MYPOP: variants seen among roughly 807,000 people sequenced by gnomAD.
MYPOP encodes Myb related transcription factor, partner of profilin, also known as myb-related transcription factor, partner of profilin.
A neutral mutation model predicts 25.7 loss-of-function variants in MYPOP; 21 were observed. That is an observed-to-expected ratio of 0.82 (90% CI 0.58 to 1.18). The LOEUF is 1.18. Among genes scored for constraint, MYPOP ranks in the 50% most tolerant of loss-of-function variants. The pLI is 0.00. For synonymous variants in MYPOP, 280 were observed against 247.9 expected (o/e 1.13, Z -1.22); for missense variants, 566 against 588.3 (o/e 0.96, Z 0.39).
intron 2 of MYPOP, among the ~76,000 whole-genome samples, chr19:45,899,368 A>C (rs1967255214): frequency 6.6e-6 from 1 of 152,148 alleles, no homozygotes; most frequent in Non-Finnish European, 1.5e-5. Flanking sequence ...TTGCTAAACG[A>C]GTGAATGAAG....
intron 2 of MYPOP, among the ~76,000 whole-genome samples, chr19:45,895,399 G>A (rs117515010): frequency 1.7e-3 from 260 of 152,212 alleles, no homozygotes; most frequent in Middle Eastern, 6.8e-3. Context: ...CTACAGGTGT[G>A]CACCACCACG....
rs1242324394 is a variant in MYPOP, at chr19:45,901,686, G to A, written c.88C>T (p.Arg30Cys). 2 of 1,607,972 alleles carry A rather than the reference G, an allele frequency of 1.2e-6. No homozygotes were observed. Among genetic ancestry groups the A allele is most frequent in the East Asian group, 2.2e-5 (1 of 44,588 alleles). ...TGCGGGTAGTGGGCGCGCACCTCGC[G>A]GATCAGGATCTGGTTCTCTTCGAAT... The part of the protein sequence containing the change: ...FSFEENQILI[R>C]EVRAHYPQLY... The change falls in exon 2 of 3, where the codon CGC becomes TGC. Residue 30 changes from arginine to cysteine, a missense_variant. Coordinates refer to ENST00000322217, the MANE Select transcript of MYPOP (RefSeq NM_001012643.4). This position sits in a 1 kb window ranked among gnomAD's most constrained non-coding sequence, Gnocchi z 5.7.
chr19:45,891,061 C>G lies in MYPOP; in HGVS notation c.762G>C (p.Ser254=). ...GGAAGTCCAGGGAGGGGTCTGAGGC[C>G]GAGAGCGTGGGTGGAGGCCGAGGAG... is the stretch of plus-strand genomic sequence containing the variant. ...PPPPRPPPTL[S]ASDPSLDFLR... is the part of the protein sequence containing the mutation. Residue 254 remains serine (S), a synonymous_variant, in exon 3 of 3, where the codon TCG becomes TCC. Coordinates refer to ENST00000322217, the MANE Select transcript of MYPOP (RefSeq NM_001012643.4). The G allele has an allele frequency of 7.3e-7, 1 of 1,372,934 alleles. No individual in the cohort carries two copies. The highest frequency in any genetic ancestry group is 9.6e-7 in the Non-Finnish European group (1 of 1,038,048). 85.0% of individuals were successfully genotyped at this position (1,372,934 alleles called of 1,614,324 possible).
chr19:45,890,989 G>A lies in MYPOP; in HGVS notation c.834C>T (p.Gly278=). 6.6e-7 allele frequency: 1 copy of A among 1,518,706 alleles called. No homozygotes were observed. Among genetic ancestry groups the A allele is most frequent in the South Asian group, 1.3e-5 (1 of 78,582 alleles). 94.1% of individuals were successfully genotyped at this position (1,518,706 alleles called of 1,614,324 possible). A position where few individuals can be genotyped will look rare whatever the true frequency, so the allele number is the denominator to read the frequency against. ...GTTTGGCCAGTCCCTGTCGAAGGGT[G>A]CCGGCCAGCTCCCGGATGGCGTTGG... ...ETANAIRELA[G]TLRQGLAKLS... Residue 278 remains glycine (G), a synonymous_variant, in exon 3 of 3, where the codon GGC becomes GGT. Coordinates refer to ENST00000322217, the MANE Select transcript of MYPOP (RefSeq NM_001012643.4).
chr19:45,897,294 C>T (rs976942245), intron 2 of MYPOP, among the ~76,000 whole-genome samples: 1 of 151,510 alleles, frequency 6.6e-6, no homozygotes, highest in African/African-American at 2.4e-5. Context: ...AACTCCTGGC[C>T]TCAAGGGATC....
chr19:45,898,898 A>C (rs1967246205), intron 2 of MYPOP, among the ~76,000 whole-genome samples: 1 of 151,940 alleles, frequency 6.6e-6, no homozygotes, highest in East Asian at 1.9e-4. Context: ...CTGTTTTGGG[A>C]CTTCTTTGTG....
rs1357926241 is a variant in MYPOP, at chr19:45,901,419, T to C, written c.355A>G (p.Ile119Val). ...FSAEEETIFA[I>V]LGPGVAAPGA... Reference sequence around the variant, plus strand: ...GGCGCCGCCACACCTGGCCCCAGGATGGCAAAAATGGTCTCCTCTTCCGCG... The same window carrying C: ...GGCGCCGCCACACCTGGCCCCAGGACGGCAAAAATGGTCTCCTCTTCCGCG... Residue 119 changes from isoleucine (I) to valine (V), a missense_variant, in exon 2 of 3, where the codon ATC becomes GTC. Transcript: ENST00000322217. This position sits in a 1 kb window ranked among gnomAD's most constrained non-coding sequence, Gnocchi z 5.7. 1.9e-6 allele frequency: 3 copies of C among 1,567,460 alleles called. No individual in the cohort carries two copies. The highest frequency in any genetic ancestry group is 2.6e-6 in the Non-Finnish European group (3 of 1,156,876).
In MYPOP at chr19:45,891,335, G is replaced by T; in HGVS notation, c.500-12C>A. 1 of 1,480,170 alleles carries T rather than the reference G, an allele frequency of 6.8e-7. No individual in the cohort carries two copies. Among genetic ancestry groups the T allele is most frequent in the Non-Finnish European group, 8.9e-7 (1 of 1,120,640 alleles). The allele number at this position is 1,480,170 out of a possible 1,614,324, so 91.7% of individuals were successfully genotyped here. On this transcript the variant is annotated splice_polypyrimidine_tract_variant and intron_variant, in intron 2 of 2. Coordinates refer to ENST00000322217, the MANE Select transcript of MYPOP (RefSeq NM_001012643.4). The stretch of plus-strand genomic sequence containing the variant: ...GTGGGCTGATGTATCTGTAGAGAGA[G>T]AAATACAGGTAAGGGGTGAGCGACC...
chr19:45,898,127 G>GT (rs1341941994), intron 2 of MYPOP, among the ~76,000 whole-genome samples: 2 of 151,798 alleles, frequency 1.3e-5, no homozygotes, highest in African/African-American at 4.8e-5. Context: ...GTTTCGCCAT[G>GT]TTGGCCAGAC....
Position 45,901,333 on chromosome 19 carries a change from TG to T in MYPOP, c.440del (p.Pro147GlnfsTer141). ...ACACGTAGCGCTGAGGGCAGGCGCT[TG>T]GGGGCGGCGGCTGTGAAGAGGGGGC... is the stretch of plus-strand genomic sequence containing the variant. ...PAAPSSQPPP[P>X]SACPQRYVLS... On this transcript the variant is annotated frameshift_variant, in exon 2 of 3. Coordinates refer to ENST00000322217, the MANE Select transcript of MYPOP (RefSeq NM_001012643.4). LOFTEE classifies it high-confidence loss of function. The surrounding 1 kb of genome is among the most constrained non-coding windows in gnomAD (Gnocchi z 5.7). 1 of 1,458,478 alleles carries T rather than the reference TG, an allele frequency of 6.9e-7. No homozygotes were observed. The highest frequency in any genetic ancestry group is 9.0e-7 in the Non-Finnish European group (1 of 1,106,642). The allele number at this position is 1,458,478 out of a possible 1,614,324, so 90.3% of individuals were successfully genotyped here.
Position 45,891,217 on chromosome 19 carries a change from T to C in MYPOP, c.606A>G (p.Ser202=). ...GGCPRPKERE[S]PPPSALQPVQ... ...CCGGCTGCAGGGCCGAAGGGGGTGG[T>C]GACTCACGCTCCTTGGGCCGTGGGC... Residue 202 remains serine, a synonymous_variant, in exon 3 of 3, where the codon TCA becomes TCG. Coordinates refer to ENST00000322217, the MANE Select transcript of MYPOP (RefSeq NM_001012643.4). 6 of 1,535,978 alleles carry C rather than the reference T, an allele frequency of 3.9e-6. No individual in the cohort carries two copies. Among genetic ancestry groups the C allele is most frequent in the Non-Finnish European group, 3.5e-6 (4 of 1,146,088 alleles).
intron 2 of MYPOP, among the ~76,000 whole-genome samples, chr19:45,893,772 C>G (rs189843743): frequency 6.7e-6 from 1 of 150,374 alleles, no homozygotes; most frequent in Non-Finnish European, 1.5e-5. Context: ...TTGAATTGTA[C>G]GCTGTATTTT....
intron 2 of MYPOP, 126 bp from the exon 3 acceptor site, chr19:45,891,449 C>T: frequency 8.4e-7 from 1 of 1,184,276 alleles, no homozygotes; most frequent in Non-Finnish European, 1.1e-6. Context: ...CCCCCGCCCC[C>T]CAGCCCCAAG....
chr19:45,902,224 G>C (rs1397719851), intron 1 of MYPOP, among the ~76,000 whole-genome samples: 1 of 120,996 alleles, frequency 8.3e-6, no homozygotes, highest in East Asian at 3.0e-4. Flanking sequence ...GATGCGGAAG[G>C]GGGGATGCAG....
chr19:45,898,473 G>A (rs929442435), intron 2 of MYPOP, among the ~76,000 whole-genome samples: 5 of 151,710 alleles, frequency 3.3e-5, no homozygotes, highest in African/African-American at 7.3e-5. Flanking sequence ...ACAGGCATGC[G>A]CCACCACGCG....
At chr19:45,893,131 C>G (rs545970150) in intron 2 of MYPOP, among the ~76,000 whole-genome samples, 1 of 151,986 alleles carries the variant, frequency 6.6e-6, no homozygotes, top group African/African-American at 2.4e-5. Context: ...AAAAATTAGC[C>G]GGGCATGGTG....
At chr19:45,894,465 G>A (rs1347936760) in intron 2 of MYPOP, among the ~76,000 whole-genome samples, 2 of 152,110 alleles carry the variant, frequency 1.3e-5, no homozygotes, top group Admixed American at 6.6e-5. Context: ...TCAGGCTGGA[G>A]TGCAAAGGTG....
chr19:45,891,988 C>G (rs192408123), intron 2 of MYPOP, among the ~76,000 whole-genome samples: 1 of 151,820 alleles, frequency 6.6e-6, no homozygotes, highest in African/African-American at 2.4e-5. Context: ...GGCGTGATCT[C>G]GGCTCACTGC....
intron 2 of MYPOP, among the ~76,000 whole-genome samples, chr19:45,894,940 T>G (rs1485481653): frequency 6.6e-6 from 1 of 151,988 alleles, no homozygotes; most frequent in African/African-American, 2.4e-5. Flanking sequence ...ATGGTCTCGA[T>G]CTCTTGACCT....
Sources: allele counts gnomAD v4.1 joint callset (sites outside exome capture counted in the v4.1 genomes callset), GRCh38; gene constraint gnomAD v4.1.1; non-coding constraint Gnocchi (gnomAD v3.1); transcripts MANE v1.5; gene names NCBI Gene and HGNC (gene_info 2026-07-23, HGNC 2026-07-21).